The following PITX1 variants were observed in gnomAD, a reference collection of about 807,000 sequenced individuals.
PITX1 encodes the protein paired like homeodomain 1, also known as pituitary homeobox 1.
A neutral mutation model predicts 24.1 loss-of-function variants in PITX1; 5 were observed. The ratio of observed to expected loss-of-function variants is 0.21; its 90% confidence interval spans 0.11 to 0.44. PITX1 has a LOEUF of 0.44. PITX1 is among the 20% of genes least tolerant of loss of function. The pLI is 0.99. For missense variants in PITX1, 401 were observed against 455.4 expected, an observed-to-expected ratio of 0.88 and a Z score of 1.09; for synonymous variants, 213 against 208.9, an observed-to-expected ratio of 1.02 and a Z score of -0.17.
At position 135,033,635 on chromosome 5, in the gene PITX1, C is replaced by T. The variant is rs1291360546; in HGVS notation, c.169+78G>A. The T allele has an allele frequency of 7.1e-6, 10 of 1,415,650 alleles. No individual in the cohort carries two copies. Among genetic ancestry groups the T allele is most frequent in the Non-Finnish European group, 9.7e-6 (10 of 1,029,258 alleles). The allele number at this position is 1,415,650 out of a possible 1,614,324, so 87.7% of individuals were successfully genotyped here. Reference sequence around the variant, plus strand: ...AGGGAGCTTGGTTGCGCGGCGCGGGCGTCAGGCCCTGCTCCCAGCTCCCCG... The same window carrying T: ...AGGGAGCTTGGTTGCGCGGCGCGGGTGTCAGGCCCTGCTCCCAGCTCCCCG... On this transcript the variant is annotated intron_variant, in intron 1 of 2. Transcript: ENST00000265340. This position sits in a 1 kb window ranked among gnomAD's most constrained non-coding sequence, Gnocchi z 5.9.
chr5:135,033,389 C>T lies in PITX1; in HGVS notation c.169+324G>A. ...TCCTCCTCTCCCTTCGTCCGAGCCGCTCCTTAGCGCCCAGTTGCGCAAATC... is the reference window on the plus strand; with the variant it reads ...TCCTCCTCTCCCTTCGTCCGAGCCGTTCCTTAGCGCCCAGTTGCGCAAATC... On this transcript the variant is annotated intron_variant, in intron 1 of 2. Coordinates refer to ENST00000265340, the MANE Select transcript of PITX1 (RefSeq NM_002653.5). This position sits in a 1 kb window ranked among gnomAD's most constrained non-coding sequence, Gnocchi z 5.9. The T allele has an allele frequency of 2.6e-6, 1 of 390,898 alleles. No homozygotes were observed. Among genetic ancestry groups the T allele is most frequent in the Middle Eastern group, 7.7e-4 (1 of 1,304 alleles). 24.2% of individuals were successfully genotyped at this position (390,898 alleles called of 1,614,324 possible). A position where few individuals can be genotyped will look rare whatever the true frequency, so the allele number is the denominator to read the frequency against.
Position 135,028,668 on chromosome 5 carries a change from C to T in PITX1, c.*111G>A, listed in dbSNP as rs1268612305. The T allele has an allele frequency of 2.6e-5, 18 of 704,462 alleles. No individual in the cohort carries two copies. The highest frequency in any genetic ancestry group is 4.7e-5 in the Admixed American group (1 of 21,058). 43.6% of individuals were successfully genotyped at this position (704,462 alleles called of 1,614,324 possible). ...GAGGGGGCTGCGCAGGTGTGAGGTC[C>T]GCGGCGCGGTGAGCTGGGGCTTGCG... On this transcript the variant is annotated 3_prime_UTR_variant, in exon 3 of 3. Coordinates refer to ENST00000265340, the MANE Select transcript of PITX1 (RefSeq NM_002653.5).
chr5:135,031,234 G>T (rs758582535), intron 2 of PITX1, 42 bp downstream of exon 2: 7 of 1,505,306 alleles, frequency 4.7e-6, no homozygotes, highest in South Asian at 1.1e-5. Context: ...CGGCCCGGGA[G>T]CCCTCTGCGC....
chr5:135,031,260 C>T lies in PITX1; in HGVS notation c.402+16G>A, dbSNP rs776772137. 3.1e-6 allele frequency: 5 copies of T among 1,605,936 alleles called. No individual in the cohort carries two copies. In the South Asian group the frequency reaches 3.3e-5, roughly 11 times the overall value. ...CCCTCTGCGCGGGTGCCCTTAGGCG[C>T]GCACCCCTTGCTCACCCGCACGCGC... On this transcript the variant is annotated intron_variant, in intron 2 of 2. Transcript: ENST00000265340.
chr5:135,031,190 T>G (rs936885770), intron 2 of PITX1, 86 bp downstream of exon 2: 3 of 985,140 alleles, frequency 3.0e-6, no homozygotes, highest in Non-Finnish European at 4.8e-6. Context: ...AAGTTCTGCT[T>G]GTGGGTCTAA....
In PITX1 at chr5:135,033,774, G is replaced by C; in HGVS notation, c.108C>G (p.Pro36=). Residue 36 remains proline (P), a synonymous_variant, in exon 1 of 3, where the codon CCC becomes CCG. Coordinates refer to ENST00000265340, the MANE Select transcript of PITX1 (RefSeq NM_002653.5). This position sits in a 1 kb window ranked among gnomAD's most constrained non-coding sequence, Gnocchi z 5.9. ...TCTCGAGCGGCTCGCGGGGGTCGGCGGGCCGGGCCAGGTGGAAGGCGGGCC... is the reference window on the plus strand; with the variant it reads ...TCTCGAGCGGCTCGCGGGGGTCGGCCGGCCGGGCCAGGTGGAAGGCGGGCC... ...DMGPAFHLAR[P]ADPREPLENS... 6.3e-7 allele frequency: 1 copy of C among 1,588,128 alleles called. No homozygotes were observed. Among genetic ancestry groups the C allele is most frequent in the Non-Finnish European group, 8.5e-7 (1 of 1,174,402 alleles).
chr5:135,028,549 C>CTTTTTTTTTTT lies in PITX1; in HGVS notation c.*219_*229dup, dbSNP rs70976562. The CTTTTTTTTTTT allele has an allele frequency of 3.9e-3, 298 of 76,288 alleles. 3 individuals carry two copies. The highest frequency in any genetic ancestry group is 0.014 in the Middle Eastern group (1 of 70). 4.7% of individuals were successfully genotyped at this position (76,288 alleles called of 1,614,324 possible). On this transcript the variant is annotated 3_prime_UTR_variant, in exon 3 of 3. Coordinates refer to ENST00000265340, the MANE Select transcript of PITX1 (RefSeq NM_002653.5). ...GGCACTTTTCTCCGACGTCTTTTTG[C>CTTTTTTTTTTT]TTTTTTTTTTTTTTTTTTTTTTTTG... is the stretch of plus-strand genomic sequence containing the variant.
Position 135,033,777 on chromosome 5 carries a change from C to T in PITX1, c.105G>A (p.Arg35=). Residue 35 remains arginine, a synonymous_variant, in exon 1 of 3, where the codon CGG becomes CGA. Coordinates refer to ENST00000265340, the MANE Select transcript of PITX1 (RefSeq NM_002653.5). This position sits in a 1 kb window ranked among gnomAD's most constrained non-coding sequence, Gnocchi z 5.9. ...HDMGPAFHLA[R]PADPREPLEN... The stretch of plus-strand genomic sequence containing the variant: ...CGAGCGGCTCGCGGGGGTCGGCGGG[C>T]CGGGCCAGGTGGAAGGCGGGCCCCA... 1 of 1,587,252 alleles carries T rather than the reference C, an allele frequency of 6.3e-7. No individual in the cohort carries two copies. Among genetic ancestry groups the T allele is most frequent in the East Asian group, 2.3e-5 (1 of 43,576 alleles).
At position 135,033,413 on chromosome 5, in the gene PITX1, TCAA is replaced by T. The variant is rs1156497735; in HGVS notation, c.169+297_169+299del. 1 of 436,046 alleles carries T rather than the reference TCAA, an allele frequency of 2.3e-6. No individual in the cohort carries two copies. The highest frequency in any genetic ancestry group is 4.1e-6 in the Non-Finnish European group (1 of 241,166). The allele number at this position is 436,046 out of a possible 1,614,324, so 27.0% of individuals were successfully genotyped here. On this transcript the variant is annotated intron_variant, in intron 1 of 2. Transcript: ENST00000265340. This position sits in a 1 kb window ranked among gnomAD's most constrained non-coding sequence, Gnocchi z 5.9. The stretch of plus-strand genomic sequence containing the variant: ...GCTCCTTAGCGCCCAGTTGCGCAAA[TCAA>T]ATTCTTTCCCGTTCTATTTACTCCT...
Position 135,031,309 on chromosome 5 carries a change from G to C in PITX1, c.369C>G (p.Ala123=), listed in dbSNP as rs371237885. The C allele has an allele frequency of 6.2e-7, 1 of 1,614,060 alleles. No homozygotes were observed. Among genetic ancestry groups the C allele is most frequent in the East Asian group, 2.2e-5 (1 of 44,870 alleles). ...YPDMSMREEI[A]VWTNLTEPRV... is the part of the protein sequence containing the mutation. ...GCGGCTCGGTGAGGTTGGTCCACAC[G>C]GCGATCTCCTCCCTCATGCTCATGT... The change falls in exon 2 of 3, where the codon GCC becomes GCG. Residue 123 remains alanine (A), a synonymous_variant. Transcript: ENST00000265340.
At chr5:135,032,929 C>T (rs371129201) in intron 1 of PITX1, 43 of 441,264 alleles carry the variant, frequency 9.7e-5, no homozygotes, top group Non-Finnish European at 1.5e-4. Flanking sequence ...GGAGCCCCTC[C>T]GGAACCCGGC....
Position 135,033,612 on chromosome 5 carries a change from G to A in PITX1, c.169+101C>T, listed in dbSNP as rs1580929036. 8.4e-7 allele frequency: 1 copy of A among 1,196,444 alleles called. No homozygotes were observed. The highest frequency in any genetic ancestry group is 1.2e-6 in the Non-Finnish European group (1 of 836,202). 74.1% of individuals were successfully genotyped at this position (1,196,444 alleles called of 1,614,324 possible). ...CTCCTGACGCTTCTGGGGCGGAGAG[G>A]GAGCTTGGTTGCGCGGCGCGGGCGT... is the stretch of plus-strand genomic sequence containing the variant. On this transcript the variant is annotated intron_variant, in intron 1 of 2. Transcript: ENST00000265340. This position sits in a 1 kb window ranked among gnomAD's most constrained non-coding sequence, Gnocchi z 5.9.
rs70976562 is a variant in PITX1 at position 135,028,549 on chromosome 5, CT to C, written c.*229del. The C allele has an allele frequency of 0.023, 1,762 of 76,366 alleles. 12 individuals are homozygous for C. The highest frequency in any genetic ancestry group is 0.086 in the East Asian group (214 of 2,484). The allele number at this position is 76,366 out of a possible 1,614,324, so 4.7% of individuals were successfully genotyped here. On this transcript the variant is annotated 3_prime_UTR_variant, in exon 3 of 3. Transcript: ENST00000265340. ...GGCACTTTTCTCCGACGTCTTTTTG[CT>C]TTTTTTTTTTTTTTTTTTTTTTTGT...
intron 1 of PITX1, chr5:135,032,797 A>G: frequency 3.2e-6 from 1 of 310,974 alleles, no homozygotes; most frequent in South Asian, 2.6e-5. Context: ...AACCAAGCAA[A>G]CAACCTCTCA....
In PITX1 at chr5:135,031,704, C is replaced by T. The variant is rs905283450; in HGVS notation, c.170-196G>A. 114 of 600,522 alleles carry T rather than the reference C, an allele frequency of 1.9e-4. 1 individual carries two copies. Among genetic ancestry groups the T allele is most frequent in the African/African-American group, 1.6e-3 (86 of 53,944 alleles). The allele number at this position is 600,522 out of a possible 1,614,324, so 37.2% of individuals were successfully genotyped here. On this transcript the variant is annotated intron_variant, in intron 1 of 2. Coordinates refer to ENST00000265340, the MANE Select transcript of PITX1 (RefSeq NM_002653.5). ...AGTAGGCACCTCTAGTCTGGTGTGC[C>T]GCGGAGAAGAGCCCAAGAATCGGAG...
In PITX1 at chr5:135,029,204, C is replaced by G; in HGVS notation, c.520G>C (p.Val174Leu). ...TTGTAGGAGTAGCCGGCGGCGTACA[C>G]GTCCTCGTAGGGCTGCACTAGGCCG... ...FSGLVQPYED[V>L]YAAGYSYNNW... The change falls in exon 3 of 3, where the codon GTG becomes CTG. Residue 174 changes from valine to leucine, a missense_variant. Physicochemically the swap from Val to Leu is conservative, Grantham distance 32 (BLOSUM62 1). Around this residue, in one of 3 missense-constraint regions of PITX1, gnomAD observed 217 missense variants for 219.8 expected, o/e 0.99. Coordinates refer to ENST00000265340, the MANE Select transcript of PITX1 (RefSeq NM_002653.5). The G allele has an allele frequency of 1.9e-6, 3 of 1,614,194 alleles. No homozygotes were observed. Among genetic ancestry groups the G allele is most frequent in the South Asian group, 1.1e-5 (1 of 91,086 alleles).
rs546911382 is a variant in PITX1, at chr5:135,028,917, C to G, written c.807G>C (p.Ser269=). 3.5e-5 allele frequency: 56 copies of G among 1,613,882 alleles called. No homozygotes were observed. In the African/African-American group the frequency reaches 4.1e-4, roughly 12 times the overall value. Residue 269 remains serine, a synonymous_variant, in exon 3 of 3, where the codon TCG becomes TCC. Coordinates refer to ENST00000265340, the MANE Select transcript of PITX1 (RefSeq NM_002653.5). ...PGACPYGTPA[S]PYSVYRDTCN... ...ACGTGTCCCGGTAGACGCTGTAGGG[C>G]GAGGCGGGAGTGCCGTACGGGCAAG...
At chr5:135,030,319 C>A (rs1471764667) in intron 2 of PITX1, among the ~76,000 whole-genome samples, 2 of 152,162 alleles carry the variant, frequency 1.3e-5, no homozygotes, top group Admixed American at 1.3e-4. Context: ...CCCCACCCAC[C>A]CCTACCACCA....
chr5:135,034,365 C>G (rs1230402361), upstream of PITX1: 1 of 152,066 alleles, frequency 6.6e-6, no homozygotes, highest in Non-Finnish European at 1.5e-5. Context: ...CCAAGCCGCC[C>G]GCGCCGCCGC....
Sources: allele counts gnomAD v4.1 joint callset (sites outside exome capture counted in the v4.1 genomes callset), GRCh38; gene constraint gnomAD v4.1.1; regional missense constraint gnomAD v4.1.1; non-coding constraint Gnocchi (gnomAD v3.1); transcripts MANE v1.5; gene names NCBI Gene and HGNC (gene_info 2026-07-23, HGNC 2026-07-21).